Variants in GREB1 observed in about 807,000 individuals in gnomAD.
GREB1 encodes growth regulating estrogen receptor binding 1, also known as protein GREB1.
A neutral mutation model predicts 200.7 loss-of-function variants in GREB1; 106 were observed. The observed-to-expected ratio is 0.53, with a 90% CI of 0.45 to 0.62. The LOEUF (loss-of-function observed/expected upper bound fraction) is 0.62. Ranked by LOEUF, GREB1 falls within the 20% of genes least tolerant of loss-of-function variation. The probability of loss-of-function intolerance (pLI) is 0.00; values close to 1 mark genes in which losing one functional copy is unlikely to be tolerated. For missense variants in GREB1, 2,243 were observed against 2,556.8 expected (o/e 0.88, Z 2.65); for synonymous variants, 1,132 against 1,092.4 (o/e 1.04, Z -0.72).
Position 11,588,944 on chromosome 2 carries a change from C to G in GREB1, c.1345+13C>G. 6.2e-7 allele frequency: 1 copy of G among 1,610,282 alleles called. No individual in the cohort carries two copies. Among genetic ancestry groups the G allele is most frequent in the Middle Eastern group, 1.7e-4 (1 of 6,052 alleles). On this transcript the variant is annotated intron_variant, in intron 10 of 32. Coordinates refer to ENST00000381486, the MANE Select transcript of GREB1 (RefSeq NM_014668.4). The stretch of plus-strand genomic sequence containing the variant: ...CTGGTCCAGCTGGGTGAGTCACCTC[C>G]ACCTCCTGGCCCAGTGGCAGGGAGT...
chr2:11,580,568 G>A lies in GREB1; in HGVS notation c.773-136G>A. 1.1e-6 allele frequency: 1 copy of A among 916,376 alleles called. No homozygotes were observed. The highest frequency in any genetic ancestry group is 1.7e-6 in the Non-Finnish European group (1 of 596,478). 56.8% of individuals were successfully genotyped at this position (916,376 alleles called of 1,614,324 possible). On this transcript the variant is annotated intron_variant, in intron 6 of 32. Coordinates refer to ENST00000381486, the MANE Select transcript of GREB1 (RefSeq NM_014668.4). This position sits in a 1 kb window ranked among gnomAD's most constrained non-coding sequence, Gnocchi z 4.5. ...CTCAGTGTAGCAGAATCACTGTTGG[G>A]CATTCTGACCTCCTGATGAGACTTG...
chr2:11,485,066 A>G (rs373083026), intron 1 of GREB1, among the ~76,000 whole-genome samples: 1 of 152,080 alleles, frequency 6.6e-6, no homozygotes, highest in African/African-American at 2.4e-5. Context: ...TGTCCTCGTG[A>G]TCTGCCCGCC....
At chr2:11,529,274 T>A (rs886382923), upstream of GREB1, among the ~76,000 whole-genome samples, 6 of 152,220 alleles carry the variant, frequency 3.9e-5, no homozygotes, top group Non-Finnish European at 8.8e-5. Flanking sequence ...TCTTTTGGTT[T>A]GCTAAGATAA....
rs753143170 is a variant in GREB1, at chr2:11,618,689, A to G, written c.3814A>G (p.Thr1272Ala). The G allele has an allele frequency of 1.2e-6, 2 of 1,613,700 alleles. No individual in the cohort carries two copies. Among genetic ancestry groups the G allele is most frequent in the African/African-American group, 1.3e-5 (1 of 75,012 alleles). Residue 1272 changes from threonine (T) to alanine (A), a missense_variant, in exon 22 of 33, where the codon ACT becomes GCT. Around this residue, in one of 3 missense-constraint regions of GREB1, gnomAD observed 587 missense variants for 553.1 expected, o/e 1.06. Transcript: ENST00000381486. ...GCTCGTGTACGACATGGTTGTGTCCACTGACAGCAGTGGCCTGCCCAAGGC... is the reference window on the plus strand; with the variant it reads ...GCTCGTGTACGACATGGTTGTGTCCGCTGACAGCAGTGGCCTGCCCAAGGC... ...PKLVYDMVVS[T>A]DSSGLPKAAS...
intron 1 of GREB1, among the ~76,000 whole-genome samples, chr2:11,551,744 C>T (rs1364244219): frequency 6.6e-6 from 1 of 152,214 alleles, no homozygotes; most frequent in Admixed American, 6.5e-5. Context: ...CCCACCGCCG[C>T]AGCCCGGGTT....
chr2:11,626,845 A>G (rs1031961539), intron 24 of GREB1, 117 bp from the exon 25 acceptor site: 31 of 1,075,258 alleles, frequency 2.9e-5, no homozygotes, highest in Non-Finnish European at 4.1e-5. Flanking sequence ...GTCCTCCCCA[A>G]CCAGACAGAA....
At chr2:11,635,437 G>A in intron 30 of GREB1, 32 bp downstream of exon 30, 2 of 1,577,766 alleles carry the variant, frequency 1.3e-6, no homozygotes, top group Non-Finnish European at 1.7e-6. Context: ...AGGCCTCTAT[G>A]TCCACCGCCT....
intron 32 of GREB1, among the ~76,000 whole-genome samples, chr2:11,639,759 T>C (rs1033788746): frequency 6.6e-6 from 1 of 152,060 alleles, no homozygotes; most frequent in Non-Finnish European, 1.5e-5. Context: ...AAACATTTCA[T>C]CTAAAGGGAG....
chr2:11,602,381 T>C (rs1681859624), intron 16 of GREB1, 25 bp from the exon 17 acceptor site: 13 of 1,610,402 alleles, frequency 8.1e-6, no homozygotes, highest in Non-Finnish European at 6.8e-6. Context: ...AGTGTTGGAG[T>C]GACCGACGCT....
intron 11 of GREB1, among the ~76,000 whole-genome samples, chr2:11,595,045 A>G (rs1169721570): frequency 6.8e-6 from 1 of 147,562 alleles, no homozygotes; most frequent in Non-Finnish European, 1.5e-5. Context: ...TGGGACTTGC[A>G]GTAGTAGACC....
intron 1 of GREB1, among the ~76,000 whole-genome samples, chr2:11,495,266 T>TAATGTA (rs1487560039): frequency 4.7e-4 from 72 of 152,306 alleles, no homozygotes; most frequent in African/African-American, 1.6e-3. Flanking sequence ...AGCACTAAGC[T>TAATGTA]ACACCGTAGC....
rs570620377 is a variant in GREB1, at chr2:11,595,454, G to A, written c.1825+75G>A. ...ATCAGTGCCGGGGGAGGTCATCTCT[G>A]CCTCACCCTGCCTGTGACCTGCTAA... On this transcript the variant is annotated intron_variant, in intron 12 of 32. Transcript: ENST00000381486. 147 of 1,457,172 alleles carry A rather than the reference G, an allele frequency of 1.0e-4. No homozygotes were observed. In the African/African-American group the frequency reaches 1.8e-3, roughly 18 times the overall value. The allele number at this position is 1,457,172 out of a possible 1,614,324, so 90.3% of individuals were successfully genotyped here.
intron 1 of GREB1, among the ~76,000 whole-genome samples, chr2:11,515,564 T>G (rs538968122): frequency 6.6e-6 from 1 of 151,658 alleles, no homozygotes; most frequent in African/African-American, 2.4e-5. Flanking sequence ...GGAAGCCCTG[T>G]GAGATGTGAG....
rs1419329837 is a variant in GREB1 at position 11,580,146 on chromosome 2, A to G, written c.773-558A>G. 6.6e-6 allele frequency among the ~76,000 whole-genome samples: 1 copy of G among 152,124 alleles called. No individual in the cohort carries two copies. The highest frequency in any genetic ancestry group is 2.4e-5 in the African/African-American group (1 of 41,424). On this transcript the variant is annotated intron_variant, in intron 6 of 32. Coordinates refer to ENST00000381486, the MANE Select transcript of GREB1 (RefSeq NM_014668.4). This position sits in a 1 kb window ranked among gnomAD's most constrained non-coding sequence, Gnocchi z 4.5. ...ACTATCACGAGAACAGTATGGGGGA[A>G]ACCACCCCCATGATTCAATTACCTC...
chr2:11,542,294 A>G (rs2148528540), intron 1 of GREB1, among the ~76,000 whole-genome samples: 1 of 152,248 alleles, frequency 6.6e-6, no homozygotes, highest in East Asian at 1.9e-4. Flanking sequence ...GGCTTGGGAG[A>G]GACCTGGCTA....
chr2:11,586,908 TG>T (rs1294971280), intron 9 of GREB1, among the ~76,000 whole-genome samples: 1 of 152,070 alleles, frequency 6.6e-6, no homozygotes, highest in African/African-American at 2.4e-5. Context: ...AGTCATGTTG[TG>T]TGTGTTTTTT....
rs776087177 is a variant in GREB1, at chr2:11,585,177, C to T, written c.918C>T (p.Ser306=). The part of the protein sequence containing the change: ...RPSALGILSN[S]GPPKKRHKGW... ...ATTGTCTAGGTATCTTGTCAAACTC[C>T]GGGCCCCCCAAAAAACGCCACAAAG... Residue 306 remains serine, a synonymous_variant, in exon 8 of 33, where the codon TCC becomes TCT. Coordinates refer to ENST00000381486, the MANE Select transcript of GREB1 (RefSeq NM_014668.4). 1.4e-5 allele frequency: 22 copies of T among 1,573,764 alleles called. No individual in the cohort carries two copies. Among genetic ancestry groups the T allele is most frequent in the Middle Eastern group, 1.7e-4 (1 of 5,934 alleles).
At chr2:11,520,593 A>T (rs1673669319) in intron 1 of GREB1, among the ~76,000 whole-genome samples, 1 of 152,128 alleles carries the variant, frequency 6.6e-6, no homozygotes, top group Admixed American at 6.5e-5. Flanking sequence ...TCATGCTTTG[A>T]ATTCCTTCTC....
chr2:11,639,214 C>T (rs528335194), intron 32 of GREB1, among the ~76,000 whole-genome samples: 61 of 152,158 alleles, frequency 4.0e-4, no homozygotes, highest in South Asian at 8.3e-4. Context: ...CTCAGCCTCC[C>T]GAGTATCTGG....
Sources: allele counts gnomAD v4.1 joint callset (sites outside exome capture counted in the v4.1 genomes callset), GRCh38; gene constraint gnomAD v4.1.1; regional missense constraint gnomAD v4.1.1; non-coding constraint Gnocchi (gnomAD v3.1); transcripts MANE v1.5; gene names NCBI Gene and HGNC (gene_info 2026-07-23, HGNC 2026-07-21).